NID1: variants seen among roughly 807,000 people sequenced by gnomAD.
NID1 encodes nidogen 1.
In NID1, 76 loss-of-function variants were observed where a neutral mutation model predicts 130.6. The observed-to-expected ratio is 0.58, with a 90% CI of 0.48 to 0.70. The LOEUF is 0.70. Ranked by LOEUF, NID1 falls within the 30% of genes least tolerant of loss-of-function variation. The probability of loss-of-function intolerance (pLI) is 0.00; values close to 1 mark genes in which losing one functional copy is unlikely to be tolerated. For missense variants in NID1, 1,517 were observed against 1,664.8 expected, an observed-to-expected ratio of 0.91 and a Z score of 1.54; for synonymous variants, 665 against 675.1, an observed-to-expected ratio of 0.98 and a Z score of 0.23.
intron 2 of NID1, among the ~76,000 whole-genome samples, chr1:236,048,025 CAAAAAAAAA>C (rs57153446): frequency 5.9e-5 from 2 of 33,924 alleles, no homozygotes; most frequent in South Asian, 1.4e-3. Context: ...GACTCCATCT[CAAAAAAAAA>C]AAAAAAAAAA....
intron 14 of NID1, among the ~76,000 whole-genome samples, chr1:235,985,859 C>T (rs534626142): frequency 3.9e-5 from 6 of 152,064 alleles, no homozygotes; most frequent in Admixed American, 1.3e-4. Flanking sequence ...CTCCTGAACT[C>T]GAGTGATCCT....
intron 9 of NID1, among the ~76,000 whole-genome samples, chr1:236,019,783 T>C (rs1252824756): frequency 1.3e-5 from 2 of 152,212 alleles, no homozygotes; most frequent in Non-Finnish European, 2.9e-5. Context: ...GGCTCAGGCC[T>C]GTAACCCCAG....
At position 236,012,046 on chromosome 1, in the gene NID1, G is replaced by A; in HGVS notation, c.2405-3C>T. 1.2e-6 allele frequency: 2 copies of A among 1,611,504 alleles called. No homozygotes were observed. Among genetic ancestry groups the A allele is most frequent in the Non-Finnish European group, 1.7e-6 (2 of 1,177,836 alleles). ...GCTTGGCTGGCATTCATCTACATCT[G>A]TAAAACAGCCACCAGGCCCAGGGAC... On this transcript the variant is annotated splice_polypyrimidine_tract_variant and splice_region_variant and intron_variant, in intron 11 of 19. Transcript: ENST00000264187.
At chr1:235,997,138 C>T (rs1290377706) in intron 12 of NID1, among the ~76,000 whole-genome samples, 1 of 152,090 alleles carries the variant, frequency 6.6e-6, no homozygotes, top group Non-Finnish European at 1.5e-5. Flanking sequence ...CTGGCCTCCT[C>T]TCTGCTTTTT....
At position 236,012,039 on chromosome 1, in the gene NID1, T is replaced by C. The variant is rs2031487; in HGVS notation, c.2409A>G (p.Val803=). ...GACATCGGCTTGGCTGGCATTCATC[T>C]ACATCTGTAAAACAGCCACCAGGCC... ...FSGDGQACQD[V]DECQPSRCHP... Residue 803 remains valine (V), a synonymous_variant, in exon 12 of 20, where the codon GTA becomes GTG. Coordinates refer to ENST00000264187, the MANE Select transcript of NID1 (RefSeq NM_002508.3). 858,278 of 1,612,406 alleles carry C rather than the reference T, an allele frequency of 0.53. 235,414 individuals carry two copies. The highest frequency in any genetic ancestry group is 0.76 in the African/African-American group (56,936 of 74,978).
chr1:235,980,791 G>A, intron 16 of NID1, 138 bp from the exon 17 acceptor site: 1 of 940,052 alleles, frequency 1.1e-6, no homozygotes, highest in South Asian at 1.9e-5. Context: ...GGATCGAGAG[G>A]TGATAAAACA....
At chr1:236,018,144 C>T (rs1213909841) in intron 9 of NID1, among the ~76,000 whole-genome samples, 1 of 152,112 alleles carries the variant, frequency 6.6e-6, no homozygotes, top group African/African-American at 2.4e-5. Context: ...TATGACAATA[C>T]TACAGCCACC....
chr1:236,048,015 G>T (rs777173899), intron 2 of NID1, among the ~76,000 whole-genome samples: 3 of 96,390 alleles, frequency 3.1e-5, no homozygotes, highest in Non-Finnish European at 5.5e-5. Context: ...AACAGAGCAA[G>T]ACTCCATCTC....
At chr1:236,034,174 A>T (rs1659178000) in intron 5 of NID1, among the ~76,000 whole-genome samples, 1 of 152,210 alleles carries the variant, frequency 6.6e-6, no homozygotes, top group East Asian at 1.9e-4. Context: ...TAATCCCAGC[A>T]CTTTGGGAGG....
chr1:236,002,676 G>T (rs1448358610), intron 12 of NID1, among the ~76,000 whole-genome samples: 1 of 152,200 alleles, frequency 6.6e-6, no homozygotes, highest in African/African-American at 2.4e-5. Context: ...CATTGGTGAG[G>T]ACGGTTGCCT....
At chr1:235,983,621 G>A (rs10927167) in intron 15 of NID1, among the ~76,000 whole-genome samples, 39,749 of 151,794 alleles carry the variant, frequency 0.26, 6,428 homozygotes, top group East Asian at 0.62. Context: ...CATGAGCTCC[G>A]TGCATATTGT....
intron 4 of NID1, among the ~76,000 whole-genome samples, chr1:236,038,827 G>T (rs1443572894): frequency 9.5e-6 from 1 of 104,750 alleles, no homozygotes; most frequent in Non-Finnish European, 1.8e-5. Flanking sequence ...TGTTATATAG[G>T]TCATATATAA....
At chr1:236,026,372 T>C (rs925771091) in intron 7 of NID1, among the ~76,000 whole-genome samples, 14 of 152,218 alleles carry the variant, frequency 9.2e-5, no homozygotes, top group African/African-American at 1.2e-4. Flanking sequence ...ATTCGTATTA[T>C]GTGTATTTGT....
At chr1:236,010,123 G>GA (rs2102814720) in intron 12 of NID1, among the ~76,000 whole-genome samples, 1 of 152,226 alleles carries the variant, frequency 6.6e-6, no homozygotes, top group Admixed American at 6.5e-5. Flanking sequence ...ATAGTAGCTG[G>GA]AATGTGTTGA....
Position 236,042,267 on chromosome 1 carries a change from C to T in NID1, c.778G>A (p.Val260Ile). ...AKSSNSGQQGVWVFEIGSPAT... is the reference protein window; with the variant it reads ...AKSSNSGQQGIWVFEIGSPAT... ...GGACTCCCAATCTCAAACACCCAGA[C>T]ACCCTGCTGCCCAGAGTTACTACTC... The change falls in exon 4 of 20, where the codon GTC becomes ATC. Residue 260 changes from valine to isoleucine, a missense_variant. Physicochemically the swap from Val to Ile is conservative, Grantham distance 29. Transcript: ENST00000264187. 1 of 1,605,414 alleles carries T rather than the reference C, an allele frequency of 6.2e-7. No homozygotes were observed. The highest frequency in any genetic ancestry group is 8.5e-7 in the Non-Finnish European group (1 of 1,179,920).
intron 1 of NID1, among the ~76,000 whole-genome samples, chr1:236,057,907 T>C (rs1467204714): frequency 1.3e-4 from 20 of 152,208 alleles, no homozygotes; most frequent in Admixed American, 1.3e-3. Flanking sequence ...TGTTTCTTTC[T>C]GTCTGCCCCT....
chr1:236,023,988 C>T, intron 9 of NID1, 82 bp downstream of exon 9: 1 of 1,562,430 alleles, frequency 6.4e-7, no homozygotes, highest in South Asian at 1.2e-5. Context: ...CTTGCTGCAC[C>T]CAGTTCTCTG....
At chr1:235,989,030 C>G (rs1245068706) in intron 14 of NID1, among the ~76,000 whole-genome samples, 1 of 150,532 alleles carries the variant, frequency 6.6e-6, no homozygotes, top group Admixed American at 6.6e-5. Context: ...GTTGTTTCAG[C>G]ATTCCCCCTT....
chr1:235,995,484 C>T (rs1160123358), intron 12 of NID1, among the ~76,000 whole-genome samples: 1 of 152,200 alleles, frequency 6.6e-6, no homozygotes, highest in Non-Finnish European at 1.5e-5. Context: ...AGAGTTCAGT[C>T]ACCAGTCCAG....
Sources: allele counts gnomAD v4.1 joint callset (sites outside exome capture counted in the v4.1 genomes callset), GRCh38; gene constraint gnomAD v4.1.1; transcripts MANE v1.5; gene names NCBI Gene and HGNC (gene_info 2026-07-23, HGNC 2026-07-21).